The following BBX variants were observed in gnomAD, a reference collection of about 807,000 sequenced individuals.
BBX encodes BBX high mobility group box domain containing.
In BBX, 30 loss-of-function variants were observed where a neutral mutation model predicts 100.2. The ratio of observed to expected loss-of-function variants is 0.30; its 90% CI spans 0.22 to 0.41. The LOEUF (loss-of-function observed/expected upper bound fraction) is 0.41, where lower values mean the gene tolerates loss of function less well. Among genes scored for constraint, BBX ranks in the 10% least tolerant of loss-of-function variants. BBX has a pLI of 1.00. For synonymous variants in BBX, 376 were observed against 388.1 expected, an observed-to-expected ratio of 0.97 and a Z score of 0.37; for missense variants, 1,023 against 1,129.8, an observed-to-expected ratio of 0.91 and a Z score of 1.35.
chr3:107,798,497 A>C, intron 15 of BBX, 26 bp from the exon 16 acceptor site: 1 of 1,605,232 alleles, frequency 6.2e-7, no homozygotes. Flanking sequence ...TTTGTGCATA[A>C]CTATGCATGG....
intron 7 of BBX, among the ~76,000 whole-genome samples, chr3:107,733,583 T>A (rs888686254): frequency 6.6e-6 from 1 of 152,060 alleles, no homozygotes; most frequent in African/African-American, 2.4e-5. Flanking sequence ...CTCAGGTGAT[T>A]CTCTCACCTC....
chr3:107,565,396 T>A (rs7632677), intron 2 of BBX, among the ~76,000 whole-genome samples: 2,349 of 151,324 alleles, frequency 0.016, 67 homozygotes, highest in African/African-American at 0.055. Context: ...TTTTTACATA[T>A]TTTAATTAGT....
chr3:107,541,883 A>T (rs1426284516), intron 2 of BBX, among the ~76,000 whole-genome samples: 1 of 151,086 alleles, frequency 6.6e-6, no homozygotes, highest in Non-Finnish European at 1.5e-5. Flanking sequence ...CATCGGTGTG[A>T]TTATAGCTCA....
chr3:107,570,119 C>G (rs1402446267), intron 2 of BBX, among the ~76,000 whole-genome samples: 1 of 152,184 alleles, frequency 6.6e-6, no homozygotes, highest in Admixed American at 6.5e-5. Flanking sequence ...CTGGGGCGGG[C>G]AGTCCTGGAG....
intron 8 of BBX, 147 bp downstream of exon 8, chr3:107,744,857 T>G: frequency 1.6e-6 from 1 of 643,898 alleles, no homozygotes; most frequent in Non-Finnish European, 2.7e-6. Flanking sequence ...GAAAAGATAT[T>G]TTGGGTCTCT....
intron 2 of BBX, among the ~76,000 whole-genome samples, chr3:107,565,241 C>T (rs866641339): frequency 2.6e-5 from 4 of 151,244 alleles, no homozygotes; most frequent in East Asian, 1.9e-4. Context: ...TTTTGTCTTA[C>T]GCAAAATCAA....
chr3:107,805,418 G>A lies in BBX; in HGVS notation c.2787G>A (p.Met929Ile), dbSNP rs148463172. ...CCCATGATGGACAGCCAAAAGAAAT[G>A]CCGCAGGCTCCTGTACTTATTTCCT... The part of the protein sequence containing the change: ...PLTHDGQPKE[M>I]PQAPVLISCA... The change falls in exon 18 of 18, where the codon ATG (methionine) becomes ATA (isoleucine). Residue 929 changes from methionine to isoleucine, a missense_variant. Around this residue, in one of 9 missense-constraint regions of BBX, gnomAD observed 104 missense variants for 132.2 expected, o/e 0.79. Coordinates refer to ENST00000325805, the MANE Select transcript of BBX (RefSeq NM_001142568.3). 87 of 1,613,982 alleles carry A rather than the reference G, an allele frequency of 5.4e-5. No individual in the cohort carries two copies. In the African/African-American group the frequency reaches 1.0e-3, roughly 19 times the overall value.
chr3:107,774,952 T>C, intron 12 of BBX, 95 bp downstream of exon 12: 1 of 1,417,358 alleles, frequency 7.1e-7, no homozygotes, highest in Non-Finnish European at 9.4e-7. Flanking sequence ...GCATGCTTGT[T>C]CTTTGACTAC....
At chr3:107,648,571 G>A (rs1430605649) in intron 3 of BBX, among the ~76,000 whole-genome samples, 1 of 152,048 alleles carries the variant, frequency 6.6e-6, no homozygotes, top group African/African-American at 2.4e-5. Flanking sequence ...TATAACGGGA[G>A]CCAAATACCT....
intron 10 of BBX, among the ~76,000 whole-genome samples, chr3:107,767,348 G>T (rs767353857): frequency 1.1e-4 from 17 of 152,096 alleles, no homozygotes; most frequent in South Asian, 8.3e-4. Context: ...TCAGGGTAAG[G>T]CAGAGGCAGC....
In BBX at chr3:107,773,544, C is replaced by T. The variant is rs762447541; in HGVS notation, c.1823C>T (p.Ser608Phe). ...DCHRKIETCG[S>F]RKSERSCKGA... ...CACAGAAAAATAGAAACTTGTGGTTCCAGGAAATCCGAGAGGTCTTGCAAA... is the reference window on the plus strand; with the variant it reads ...CACAGAAAAATAGAAACTTGTGGTTTCAGGAAATCCGAGAGGTCTTGCAAA... Residue 608 changes from serine to phenylalanine, a missense_variant, in exon 11 of 18, where the codon TCC (serine) becomes TTC (phenylalanine). By Grantham distance (155) the Ser-to-Phe change is radical. This residue lies in a region of BBX where 348 missense variants were observed against 353.2 expected (regional missense o/e 0.99). Coordinates refer to ENST00000325805, the MANE Select transcript of BBX (RefSeq NM_001142568.3). The surrounding 1 kb of genome is among the most constrained non-coding windows in gnomAD (Gnocchi z 4.1). The T allele has an allele frequency of 3.1e-6, 5 of 1,614,026 alleles. No individual in the cohort carries two copies. Among genetic ancestry groups the T allele is most frequent in the Non-Finnish European group, 4.2e-6 (5 of 1,179,952 alleles).
At chr3:107,779,704 G>A (rs2067676951) in intron 13 of BBX, among the ~76,000 whole-genome samples, 1 of 151,928 alleles carries the variant, frequency 6.6e-6, no homozygotes, top group East Asian at 1.9e-4. Context: ...TGCATTTTAG[G>A]GAATATTTAA....
At chr3:107,737,050 C>G (rs2063684757) in intron 7 of BBX, among the ~76,000 whole-genome samples, 1 of 152,060 alleles carries the variant, frequency 6.6e-6, no homozygotes, top group African/African-American at 2.4e-5. Flanking sequence ...GATCAAGCCA[C>G]TCTTTTCTTT....
chr3:107,547,720 C>T (rs1046017989), intron 2 of BBX, among the ~76,000 whole-genome samples: 2 of 151,948 alleles, frequency 1.3e-5, no homozygotes, highest in Non-Finnish European at 2.9e-5. Context: ...TATCCAACCC[C>T]CAATTTCTTG....
At position 107,716,371 on chromosome 3, in the gene BBX, T is replaced by C. The variant is rs939976350; in HGVS notation, c.163-236T>C. 22 of 493,228 alleles carry C rather than the reference T, an allele frequency of 4.5e-5. 1 individual carries two copies. The highest frequency in any genetic ancestry group is 4.0e-4 in the African/African-American group (21 of 52,042). The allele number at this position is 493,228 out of a possible 1,614,324, so 30.6% of individuals were successfully genotyped here. On this transcript the variant is annotated intron_variant, in intron 4 of 17. Coordinates refer to ENST00000325805, the MANE Select transcript of BBX (RefSeq NM_001142568.3). ...TAAGCAATTATAACACAATGTAATA[T>C]ATGCTGTAATAGAGACATGCACAGG...
chr3:107,527,224 C>G (rs942937804), intron 2 of BBX, among the ~76,000 whole-genome samples: 1 of 150,204 alleles, frequency 6.7e-6, no homozygotes, highest in African/African-American at 2.4e-5. Context: ...TTTGCCCCTC[C>G]ATTGTAAAGG....
chr3:107,783,707 G>T (rs988129791), intron 13 of BBX, among the ~76,000 whole-genome samples: 2 of 151,992 alleles, frequency 1.3e-5, no homozygotes, highest in Non-Finnish European at 2.9e-5. Flanking sequence ...TTCTTGGGTT[G>T]TATAAAACAC....
Position 107,716,727 on chromosome 3 carries a change from C to T in BBX, c.283C>T (p.Arg95Cys), listed in dbSNP as rs748575488. The change falls in exon 5 of 18, where the codon CGC (arginine) becomes TGC (cysteine). Residue 95 changes from arginine to cysteine, a missense_variant. Around this residue, in one of 9 missense-constraint regions of BBX, gnomAD observed 229 missense variants for 226.3 expected, o/e 1.01. Transcript: ENST00000325805. The stretch of plus-strand genomic sequence containing the variant: ...ATTTCTTTTATTTTGCAAACGCCAT[C>T]GCTCTCTTGTACGTCAGGAACACCC... ...NAFLLFCKRH[R>C]SLVRQEHPRL... 2.5e-6 allele frequency: 4 copies of T among 1,613,782 alleles called. No individual in the cohort carries two copies. Among genetic ancestry groups the T allele is most frequent in the Non-Finnish European group, 1.7e-6 (2 of 1,179,796 alleles).
At chr3:107,789,737 T>C (rs1310621890) in intron 13 of BBX, 50 bp from the exon 14 acceptor site, 1 of 1,268,402 alleles carries the variant, frequency 7.9e-7, no homozygotes, top group Non-Finnish European at 1.1e-6. Context: ...ACAATATTTT[T>C]TATGAAACAT....
Sources: allele counts gnomAD v4.1 joint callset (sites outside exome capture counted in the v4.1 genomes callset), GRCh38; gene constraint gnomAD v4.1.1; regional missense constraint gnomAD v4.1.1; non-coding constraint Gnocchi (gnomAD v3.1); transcripts MANE v1.5; gene names NCBI Gene and HGNC (gene_info 2026-07-23, HGNC 2026-07-21).